The following SOX5 variants were observed in gnomAD, a reference collection of about 807,000 sequenced individuals.
The protein encoded by SOX5 is SRY-box transcription factor 5, also known as transcription factor SOX-5.
Under a neutral mutation model 92.0 loss-of-function variants are expected in SOX5, and 9 were observed. The observed-to-expected ratio is 0.10, with a 90% CI of 0.06 to 0.17. The LOEUF (loss-of-function observed/expected upper bound fraction) is 0.17, where lower values mean the gene tolerates loss of function less well. SOX5 is among the 10% of genes least tolerant of loss of function. The pLI, the probability that SOX5 is intolerant of heterozygous loss-of-function variation, is 1.00. For missense variants in SOX5, 642 were observed against 944.5 expected (o/e 0.68, Z 4.20); for synonymous variants, 344 against 336.3 (o/e 1.02, Z -0.25).
chr12:23,543,183 G>A (rs1488049932), intron 13 of SOX5, 28 bp downstream of exon 13: 3 of 1,587,956 alleles, frequency 1.9e-6, no homozygotes, highest in Non-Finnish European at 1.7e-6. Context: ...TATTCCATAC[G>A]TCACTTAGTT....
chr12:24,060,881 C>T (rs1304845115), intron 4 of SOX5, among the ~76,000 whole-genome samples: 3 of 152,206 alleles, frequency 2.0e-5, no homozygotes, highest in African/African-American at 7.2e-5. Flanking sequence ...GAGACGATGA[C>T]AGCAACTGAG....
chr12:24,479,710 G>A (rs1297110864), intron 1 of SOX5, among the ~76,000 whole-genome samples: 1 of 151,766 alleles, frequency 6.6e-6, no homozygotes, highest in African/African-American at 2.4e-5. Context: ...CTGTCGTCCA[G>A]GCTGGAATGC....
intron 10 of SOX5, among the ~76,000 whole-genome samples, chr12:23,571,406 A>G (rs1191194658): frequency 6.6e-6 from 1 of 152,136 alleles, no homozygotes; most frequent in African/African-American, 2.4e-5. Flanking sequence ...ACATTCCAAT[A>G]TGTCCCAAAG....
At chr12:23,647,353 T>G (rs1232166773) in intron 7 of SOX5, among the ~76,000 whole-genome samples, 1 of 152,210 alleles carries the variant, frequency 6.6e-6, no homozygotes, top group Non-Finnish European at 1.5e-5. Context: ...GTTCCATTTA[T>G]AGAGCACAGG....
At chr12:23,593,383 A>G (rs902738735) in intron 9 of SOX5, among the ~76,000 whole-genome samples, 4 of 152,212 alleles carry the variant, frequency 2.6e-5, no homozygotes, top group Non-Finnish European at 5.9e-5. Flanking sequence ...GCTGAGTGTT[A>G]GCAGTAATGA....
At chr12:24,462,437 GT>G (rs1330157592) in intron 1 of SOX5, among the ~76,000 whole-genome samples, 1 of 152,118 alleles carries the variant, frequency 6.6e-6, no homozygotes, top group Non-Finnish European at 1.5e-5. Flanking sequence ...TGATATTATT[GT>G]CATGTTATTA....
intron 6 of SOX5, among the ~76,000 whole-genome samples, chr12:23,719,805 A>AAAAC (rs2092712699): frequency 6.7e-6 from 1 of 148,926 alleles, no homozygotes; most frequent in South Asian, 2.1e-4. Flanking sequence ...AAAAAAAAAA[A>AAAAC]AAAAAACTGA....
intron 2 of SOX5, among the ~76,000 whole-genome samples, chr12:24,360,478 C>T (rs1044209575): frequency 1.7e-4 from 26 of 152,238 alleles, no homozygotes; most frequent in African/African-American, 6.3e-4. Context: ...GTAGAGGGAT[C>T]ATGGCACTAG....
intron 6 of SOX5, among the ~76,000 whole-genome samples, chr12:23,675,214 T>C (rs1266920486): frequency 6.6e-6 from 1 of 152,220 alleles, no homozygotes; most frequent in Non-Finnish European, 1.5e-5. Context: ...TTCTGTGCAA[T>C]GAGCTTTTGA....
intron 4 of SOX5, among the ~76,000 whole-genome samples, chr12:24,171,988 G>A (rs563971864): frequency 6.6e-6 from 1 of 152,100 alleles, no homozygotes; most frequent in South Asian, 2.1e-4. Context: ...CAAGCAAAAG[G>A]CAGAAAATGT....
chr12:24,346,689 G>A (rs992649465), intron 2 of SOX5, among the ~76,000 whole-genome samples: 2 of 152,072 alleles, frequency 1.3e-5, no homozygotes, highest in African/African-American at 4.8e-5. Context: ...CTGACCTTGT[G>A]ATCCACCCGC....
At chr12:23,835,193 G>A (rs960889734) in intron 3 of SOX5, among the ~76,000 whole-genome samples, 16 of 151,706 alleles carry the variant, frequency 1.1e-4, no homozygotes, top group African/African-American at 3.9e-4. Context: ...CCTTCGATTT[G>A]TTTAAATTTA....
chr12:23,672,632 C>A (rs73279973), intron 6 of SOX5, among the ~76,000 whole-genome samples: 203 of 152,128 alleles, frequency 1.3e-3, no homozygotes, highest in African/African-American at 4.7e-3. Context: ...TCCTTCAGGG[C>A]AACTGTCATT....
rs565608255 is a variant in SOX5 at position 24,468,763 on chromosome 12, T to C, written c.-251+93566A>G. 9.8e-5 allele frequency among the ~76,000 whole-genome samples: 15 copies of C among 152,298 alleles called. No individual in the cohort carries two copies. In the South Asian group the frequency reaches 2.9e-3, roughly 29 times the overall value. On this transcript the variant is annotated intron_variant, in intron 1 of 4. Coordinates refer to the SOX5 transcript ENST00000446891. ...ATATTCATATTTCTTTTCCCATGTT[T>C]CCATTATTTTCTAATCTTCAAGGAG... is the stretch of plus-strand genomic sequence containing the variant.
intron 4 of SOX5, among the ~76,000 whole-genome samples, chr12:24,067,270 C>T (rs754293232): frequency 2.0e-5 from 3 of 152,216 alleles, no homozygotes; most frequent in South Asian, 2.1e-4. Flanking sequence ...AAGGGGCAGG[C>T]GCCTCCCTGG....
chr12:23,761,587 T>C (rs530779134), intron 3 of SOX5, among the ~76,000 whole-genome samples: 1 of 152,128 alleles, frequency 6.6e-6, no homozygotes, highest in Non-Finnish European at 1.5e-5. Context: ...ACTTGCCTAA[T>C]ATCACAAACC....
In SOX5 at chr12:24,292,463, A is replaced by T. The variant is rs74068488; in HGVS notation, c.-173-15151T>A. ...AGTTATAAGCCAATGGAAGGATCATAGATACATTACACTTATGTACCTGCT... is the reference window on the plus strand; with the variant it reads ...AGTTATAAGCCAATGGAAGGATCATTGATACATTACACTTATGTACCTGCT... On this transcript the variant is annotated intron_variant, in intron 2 of 4. Transcript: ENST00000446891. Among the ~76,000 whole-genome samples the T allele has an allele frequency of 4.0e-3, 611 of 152,360 alleles. 7 individuals are homozygous for T. Among genetic ancestry groups the T allele is most frequent in the African/African-American group, 0.014 (592 of 41,578 alleles).
At chr12:23,706,266 G>T (rs988917936) in intron 6 of SOX5, among the ~76,000 whole-genome samples, 1 of 152,016 alleles carries the variant, frequency 6.6e-6, no homozygotes, top group Non-Finnish European at 1.5e-5. Context: ...CTAATAACTG[G>T]TCCTGGTATG....
rs193285687 is a variant in SOX5, at chr12:24,167,202, T to C, written c.-2+46141A>G. On this transcript the variant is annotated intron_variant, in intron 4 of 4. Transcript: ENST00000446891. ...CTATCTTTAGGAGGATAACGATAGT[T>C]GTATGATTTTTTACAAGGAAATCAT... Among the ~76,000 whole-genome samples the C allele has an allele frequency of 7.9e-5, 12 of 152,292 alleles. No homozygotes were observed. In the East Asian group the frequency reaches 2.1e-3, roughly 27 times the overall value.
Sources: allele counts gnomAD v4.1 joint callset (sites outside exome capture counted in the v4.1 genomes callset), GRCh38; gene constraint gnomAD v4.1.1; transcripts MANE v1.5; gene names NCBI Gene and HGNC (gene_info 2026-07-23, HGNC 2026-07-21).